Variants in TCF7L2 observed in about 807,000 individuals in gnomAD.
TCF7L2 encodes transcription factor 7 like 2, also known as transcription factor 7-like 2.
A neutral mutation model predicts 77.9 loss-of-function variants in TCF7L2; 23 were observed. That is an observed-to-expected ratio of 0.30 (90% CI 0.21 to 0.42). TCF7L2 has a LOEUF of 0.42. Among genes scored for constraint, TCF7L2 ranks in the 10% least tolerant of loss-of-function variants. The pLI is 1.00. For missense variants in TCF7L2, 654 were observed against 793.1 expected (o/e 0.82, Z 2.11); for synonymous variants, 413 against 340.2 (o/e 1.21, Z -2.36).
chr10:113,064,227 T>C lies in TCF7L2; in HGVS notation c.552+24101T>C, dbSNP rs568240201. Among the ~76,000 whole-genome samples, 121 of 152,298 alleles carry C rather than the reference T, an allele frequency of 7.9e-4. 1 individual carries two copies. Among genetic ancestry groups the C allele is most frequent in the African/African-American group, 2.9e-3 (120 of 41,554 alleles). ...CTCAAGCTAGCCGGAAGGAGCCTAA[T>C]ACCTGTCAGGAACTGCCTCCTCTGG... On this transcript the variant is annotated intron_variant, in intron 5 of 13. Transcript: ENST00000627217.
intron 11 of TCF7L2, among the ~76,000 whole-genome samples, chr10:113,153,779 G>A (rs1463235160): frequency 2.0e-5 from 3 of 152,212 alleles, no homozygotes; most frequent in African/African-American, 7.2e-5. Context: ...TACTCCCTCA[G>A]AACTTAGCAT....
At chr10:113,043,498 G>A (rs143641633) in intron 5 of TCF7L2, among the ~76,000 whole-genome samples, 9 of 152,268 alleles carry the variant, frequency 5.9e-5, no homozygotes, top group African/African-American at 9.6e-5. Flanking sequence ...AGAGGAAATC[G>A]ATTGCAACAG....
chr10:113,151,042 C>T lies in TCF7L2; in HGVS notation c.920C>T (p.Thr307Met), dbSNP rs1336546841. 3 of 1,613,988 alleles carry T rather than the reference C, an allele frequency of 1.9e-6. No individual in the cohort carries two copies. Among genetic ancestry groups the T allele is most frequent in the Admixed American group, 3.3e-5 (2 of 59,990 alleles). Residue 307 changes from threonine to methionine, a missense_variant, in exon 9 of 14, where the codon ACG (threonine) becomes ATG (methionine). Around this residue, in one of 6 missense-constraint regions of TCF7L2, gnomAD observed 179 missense variants for 270.6 expected, o/e 0.66. Transcript: ENST00000627217. The surrounding 1 kb of genome is among the most constrained non-coding windows in gnomAD (Gnocchi z 5.2). ...CCACCACATCATACGCTACACACGA[C>T]GGGCATTCCGCATCCGGCCATAGTC...
intron 5 of TCF7L2, among the ~76,000 whole-genome samples, chr10:113,140,172 C>T (rs1003838496): frequency 1.3e-5 from 2 of 151,998 alleles, no homozygotes; most frequent in Non-Finnish European, 2.9e-5. Context: ...CCCAGTAGTT[C>T]GCTTGTTTCA....
intron 5 of TCF7L2, among the ~76,000 whole-genome samples, chr10:113,050,889 G>A (rs1405351103): frequency 6.6e-6 from 1 of 152,118 alleles, no homozygotes; most frequent in Non-Finnish European, 1.5e-5. Flanking sequence ...CTTAAATTAT[G>A]AAGTTGTTTT....
chr10:113,098,071 A>AAG (rs1555051227), intron 5 of TCF7L2, among the ~76,000 whole-genome samples: 3 of 150,014 alleles, frequency 2.0e-5, no homozygotes, highest in South Asian at 2.1e-4. Flanking sequence ...AAAAAAAAAA[A>AAG]AAGAAGAAGA....
intron 5 of TCF7L2, among the ~76,000 whole-genome samples, chr10:113,042,104 C>T (rs1178024171): frequency 6.6e-6 from 1 of 152,186 alleles, no homozygotes; most frequent in African/African-American, 2.4e-5. Context: ...TCAAATCCCA[C>T]AAGAACAGTT....
At chr10:113,110,290 A>C (rs1417415578) in intron 5 of TCF7L2, among the ~76,000 whole-genome samples, 1 of 152,086 alleles carries the variant, frequency 6.6e-6, no homozygotes, top group African/African-American at 2.4e-5. Context: ...AATAATTGTA[A>C]AAAAGTCAAT....
intron 4 of TCF7L2, among the ~76,000 whole-genome samples, chr10:112,968,856 G>A (rs2134794640): frequency 6.6e-6 from 1 of 152,298 alleles, no homozygotes; most frequent in Non-Finnish European, 1.5e-5. Context: ...GGGATTATAG[G>A]TGTGAGCCAC....
intron 3 of TCF7L2, 110 bp downstream of exon 3, chr10:112,951,717 TCC>T (rs1589574254): frequency 2.9e-6 from 1 of 347,544 alleles, no homozygotes; most frequent in South Asian, 1.2e-4. Context: ...CCTCCCCGCC[TCC>T]TCCCCTCCCT....
intron 5 of TCF7L2, among the ~76,000 whole-genome samples, chr10:113,054,232 AC>A (rs2134654969): frequency 6.6e-6 from 1 of 152,378 alleles, no homozygotes; most frequent in Non-Finnish European, 1.5e-5. Flanking sequence ...CTCCTTTTAT[AC>A]CATGTGTGTC....
chr10:113,012,898 C>T (rs765246693), intron 4 of TCF7L2, among the ~76,000 whole-genome samples: 21 of 152,176 alleles, frequency 1.4e-4, no homozygotes, highest in Non-Finnish European at 2.6e-4. Flanking sequence ...CTGACTGAGG[C>T]GCCCCACACA....
At chr10:113,106,272 C>CCT (rs2062307757) in intron 5 of TCF7L2, among the ~76,000 whole-genome samples, 1 of 152,168 alleles carries the variant, frequency 6.6e-6, no homozygotes, top group Admixed American at 6.5e-5. Flanking sequence ...CTCTTCAAAT[C>CCT]CTCTCTTGAA....
chr10:113,001,057 G>A (rs1301734168), intron 4 of TCF7L2, among the ~76,000 whole-genome samples: 1 of 152,182 alleles, frequency 6.6e-6, no homozygotes, highest in Admixed American at 6.5e-5. Context: ...CAGGCCTGGA[G>A]TCAGGAATGC....
Position 113,089,436 on chromosome 10 carries a change from C to T in TCF7L2, c.552+49310C>T, listed in dbSNP as rs769447480. On this transcript the variant is annotated intron_variant, in intron 5 of 13. Coordinates refer to ENST00000627217, the MANE Select transcript of TCF7L2 (RefSeq NM_001146274.2). ...TTGCTGCACTCAGGGACATGACTGT[C>T]AGCACTTCTACCCCCCCTCAGACTT... 8.1e-6 allele frequency: 13 copies of T among 1,613,866 alleles called. 1 individual carries two copies. The South Asian group carries it at 1.3e-4, about 16-fold the overall frequency.
At chr10:113,061,240 G>A (rs1174450325) in intron 5 of TCF7L2, among the ~76,000 whole-genome samples, 4 of 152,058 alleles carry the variant, frequency 2.6e-5, no homozygotes, top group Non-Finnish European at 4.4e-5. Context: ...ATGGTCCCCC[G>A]TTGGTGAAGT....
At chr10:113,026,664 A>G (rs770251861) in intron 4 of TCF7L2, among the ~76,000 whole-genome samples, 2 of 152,154 alleles carry the variant, frequency 1.3e-5, no homozygotes, top group Non-Finnish European at 2.9e-5. Flanking sequence ...TTCCACCTCC[A>G]TTAAGTTCAG....
chr10:113,153,062 A>T (rs1286481867), intron 11 of TCF7L2, among the ~76,000 whole-genome samples: 3 of 152,192 alleles, frequency 2.0e-5, no homozygotes, highest in Non-Finnish European at 4.4e-5. Context: ...AAGGGCAGGG[A>T]AAGTGTGCTA....
At chr10:113,024,837 C>G (rs1268609838) in intron 4 of TCF7L2, among the ~76,000 whole-genome samples, 1 of 152,120 alleles carries the variant, frequency 6.6e-6, no homozygotes, top group Non-Finnish European at 1.5e-5. Context: ...CCAGGCTGGT[C>G]TCGAACTCCT....
Sources: allele counts gnomAD v4.1 joint callset (sites outside exome capture counted in the v4.1 genomes callset), GRCh38; gene constraint gnomAD v4.1.1; regional missense constraint gnomAD v4.1.1; non-coding constraint Gnocchi (gnomAD v3.1); transcripts MANE v1.5; gene names NCBI Gene and HGNC (gene_info 2026-07-23, HGNC 2026-07-21).